The following NFAT5 variants were observed in gnomAD, a reference collection of about 807,000 sequenced individuals.
The protein encoded by NFAT5 is nuclear factor of activated T cells 5.
NFAT5 carries 31 observed loss-of-function variants against 166.5 expected under a neutral mutation model. The observed-to-expected ratio is 0.19, with a 90% CI of 0.14 to 0.25. NFAT5 has a LOEUF of 0.25. Among genes scored for constraint, NFAT5 ranks in the 10% least tolerant of loss-of-function variants. The pLI is 1.00. For missense variants in NFAT5, 1,449 were observed against 1,821.8 expected (o/e 0.80, Z 3.72); for synonymous variants, 612 against 639.7 (o/e 0.96, Z 0.65).
At chr16:69,652,418 C>G (rs1046091831) in intron 4 of NFAT5, among the ~76,000 whole-genome samples, 1 of 149,050 alleles carries the variant, frequency 6.7e-6, no homozygotes, top group East Asian at 2.0e-4. Flanking sequence ...TGCCACTGCA[C>G]TCCAGCCTGG....
intron 2 of NFAT5, among the ~76,000 whole-genome samples, chr16:69,619,423 G>T (rs777581056): frequency 3.0e-4 from 45 of 152,176 alleles, no homozygotes; most frequent in Non-Finnish European, 5.4e-4. Context: ...TACTCCTCCT[G>T]TCTCCCATCA....
chr16:69,702,435 A>G lies in NFAT5; in HGVS notation c.*6084A>G, dbSNP rs2037914185. ...AGCTTGCTAACCTACATGTTTGGGA[A>G]TTCATTAAAACCAGTTGTCTATATA... On this transcript the variant is annotated 3_prime_UTR_variant, in exon 15 of 15. Transcript: ENST00000349945. The G allele has an allele frequency of 6.6e-6, 1 of 152,256 alleles. No individual in the cohort carries two copies. Among genetic ancestry groups the G allele is most frequent in the South Asian group, 2.1e-4 (1 of 4,836 alleles). The allele number at this position is 152,256 out of a possible 1,614,324, so 9.4% of individuals were successfully genotyped here.
intron 6 of NFAT5, 83 bp downstream of exon 6, chr16:69,655,882 T>G (rs2035855498): frequency 7.4e-6 from 7 of 948,818 alleles, no homozygotes; most frequent in Middle Eastern, 4.8e-4. Context: ...TATAGAAGAT[T>G]TTTTGCGTAT....
chr16:69,595,917 A>C (rs192636837), intron 2 of NFAT5, among the ~76,000 whole-genome samples: 3 of 152,236 alleles, frequency 2.0e-5, no homozygotes, highest in Non-Finnish European at 4.4e-5. Context: ...GCATGGATAC[A>C]CTGGGTAAAG....
chr16:69,627,964 GACTA>G (rs769693447), intron 3 of NFAT5, among the ~76,000 whole-genome samples: 2 of 152,084 alleles, frequency 1.3e-5, no homozygotes, highest in African/African-American at 2.4e-5. Context: ...AGTAGAAATT[GACTA>G]ACTGATTTCT....
At chr16:69,677,639 G>A (rs758773473) in intron 10 of NFAT5, among the ~76,000 whole-genome samples, 4 of 152,120 alleles carry the variant, frequency 2.6e-5, no homozygotes, top group Non-Finnish European at 4.4e-5. Context: ...ATTGACTACC[G>A]CTTATGTGCA....
At chr16:69,598,380 TAAA>T (rs374912279) in intron 2 of NFAT5, among the ~76,000 whole-genome samples, 4 of 118,976 alleles carry the variant, frequency 3.4e-5, no homozygotes, top group African/African-American at 6.3e-5. Context: ...CCTGTCTCTT[TAAA>T]AAAAAAAAAA....
At chr16:69,637,922 T>A (rs2035035664) in intron 3 of NFAT5, among the ~76,000 whole-genome samples, 1 of 152,146 alleles carries the variant, frequency 6.6e-6, no homozygotes. Flanking sequence ...TGGTTAATGA[T>A]CAAAACTTCT....
intron 10 of NFAT5, among the ~76,000 whole-genome samples, chr16:69,684,249 C>T: frequency 2.2e-5 from 2 of 89,126 alleles, no homozygotes. Flanking sequence ...CCTAGCGAGA[C>T]TGCCTCAAAA....
chr16:69,578,100 G>A (rs553940484), intron 2 of NFAT5, among the ~76,000 whole-genome samples: 1 of 152,112 alleles, frequency 6.6e-6, no homozygotes, highest in African/African-American at 2.4e-5. Flanking sequence ...CACTTACATT[G>A]TATTAGGTAT....
Position 69,702,775 on chromosome 16 carries a change from A to G in NFAT5, c.*6424A>G, listed in dbSNP as rs773471988. 3 of 152,630 alleles carry G rather than the reference A, an allele frequency of 2.0e-5. No individual in the cohort carries two copies. Among genetic ancestry groups the G allele is most frequent in the Non-Finnish European group, 2.9e-5 (2 of 68,030 alleles). The allele number at this position is 152,630 out of a possible 1,614,324, so 9.5% of individuals were successfully genotyped here. A position where few individuals can be genotyped will look rare whatever the true frequency, so the allele number is the denominator to read the frequency against. On this transcript the variant is annotated 3_prime_UTR_variant, in exon 15 of 15. Coordinates refer to ENST00000349945, the MANE Select transcript of NFAT5 (RefSeq NM_138713.4). ...TCCACTCAGACTGATATAGTTATACATTGTTCTTCATGTAAATTCAGCTTA... is the reference window on the plus strand; with the variant it reads ...TCCACTCAGACTGATATAGTTATACGTTGTTCTTCATGTAAATTCAGCTTA...
intron 3 of NFAT5, among the ~76,000 whole-genome samples, chr16:69,629,358 C>T (rs1052405221): frequency 2.6e-5 from 4 of 151,962 alleles, no homozygotes; most frequent in African/African-American, 9.7e-5. Flanking sequence ...TTTCCTCTTC[C>T]TGTTACTAAG....
chr16:69,599,886 G>T (rs1288326415), intron 2 of NFAT5, among the ~76,000 whole-genome samples: 1 of 152,182 alleles, frequency 6.6e-6, no homozygotes, highest in Non-Finnish European at 1.5e-5. Context: ...AGATATTAAG[G>T]TGCTAGATCA....
At chr16:69,657,748 G>A (rs1247397251) in intron 6 of NFAT5, among the ~76,000 whole-genome samples, 2 of 110,140 alleles carry the variant, frequency 1.8e-5, no homozygotes, top group Non-Finnish European at 3.5e-5. Flanking sequence ...AACAGAGCAA[G>A]ACTCCATCTC....
chr16:69,702,724 ACT>A lies in NFAT5; in HGVS notation c.*6376_*6377del, dbSNP rs2037919559. ...AAAGTTTAGGAACCACTGGGCTAAG[ACT>A]CTGTTGAGATATAGAGTTTTTCTTC... On this transcript the variant is annotated 3_prime_UTR_variant, in exon 15 of 15. Transcript: ENST00000349945. The A allele has an allele frequency of 6.6e-6, 1 of 152,524 alleles. No homozygotes were observed. Among genetic ancestry groups the A allele is most frequent in the Non-Finnish European group, 1.5e-5 (1 of 68,026 alleles). The allele number at this position is 152,524 out of a possible 1,614,324, so 9.4% of individuals were successfully genotyped here. A position where few individuals can be genotyped will look rare whatever the true frequency, so the allele number is the denominator to read the frequency against.
chr16:69,566,139 G>A lies in NFAT5; in HGVS notation c.-163G>A. 2 of 600,136 alleles carry A rather than the reference G, an allele frequency of 3.3e-6. No homozygotes were observed. The highest frequency in any genetic ancestry group is 5.8e-6 in the Non-Finnish European group (2 of 347,568). The allele number at this position is 600,136 out of a possible 1,614,324, so 37.2% of individuals were successfully genotyped here. A position where few individuals can be genotyped will look rare whatever the true frequency, so the allele number is the denominator to read the frequency against. Reference sequence around the variant, plus strand: ...CCTCCACCTCGCCATCGTTTCCTCGGTCCTCGGCCCAGTGGAAGTCACTAC... The same window carrying A: ...CCTCCACCTCGCCATCGTTTCCTCGATCCTCGGCCCAGTGGAAGTCACTAC... On this transcript the variant is annotated 5_prime_UTR_variant, in exon 1 of 15. Transcript: ENST00000349945. The surrounding 1 kb of genome is among the most constrained non-coding windows in gnomAD (Gnocchi z 5.7).
intron 2 of NFAT5, among the ~76,000 whole-genome samples, chr16:69,581,773 A>G (rs1004255418): frequency 1.2e-4 from 19 of 152,160 alleles, no homozygotes; most frequent in African/African-American, 4.6e-4. Context: ...GCTTTTGTGA[A>G]CTTTTTATGA....
chr16:69,687,834 G>A (rs2037371924), intron 11 of NFAT5, among the ~76,000 whole-genome samples: 1 of 152,082 alleles, frequency 6.6e-6, no homozygotes, highest in South Asian at 2.1e-4. Context: ...AAAAATATAA[G>A]CCAGGTACAG....
intron 6 of NFAT5, among the ~76,000 whole-genome samples, chr16:69,657,975 C>T (rs2035959603): frequency 6.9e-6 from 1 of 144,340 alleles, no homozygotes; most frequent in South Asian, 2.2e-4. Context: ...GTCCCAGCTA[C>T]TCCAGAGGCT....
Sources: allele counts gnomAD v4.1 joint callset (sites outside exome capture counted in the v4.1 genomes callset), GRCh38; gene constraint gnomAD v4.1.1; non-coding constraint Gnocchi (gnomAD v3.1); transcripts MANE v1.5; gene names NCBI Gene and HGNC (gene_info 2026-07-23, HGNC 2026-07-21).